Variants in DOCK4 observed in about 807,000 individuals in gnomAD.
DOCK4 encodes dedicator of cytokinesis protein 4.
A neutral mutation model predicts 268.1 loss-of-function variants in DOCK4; 97 were observed. That is an observed-to-expected ratio of 0.36 (90% CI 0.31 to 0.43). DOCK4 has a LOEUF of 0.43. Ranked by LOEUF, DOCK4 falls within the 20% of genes least tolerant of loss-of-function variation. The probability of loss-of-function intolerance (pLI) is 1.00; values close to 1 mark genes in which losing one functional copy is unlikely to be tolerated. For synonymous variants in DOCK4, 954 were observed against 887.2 expected, an observed-to-expected ratio of 1.08 and a Z score of -1.34; for missense variants, 2,145 against 2,455.7, an observed-to-expected ratio of 0.87 and a Z score of 2.67.
chr7:111,819,815 A>G (rs1801841823), intron 27 of DOCK4: 1 of 152,200 alleles, frequency 6.6e-6, no homozygotes, highest in South Asian at 2.1e-4. Context: ...CTGGGTTAAT[A>G]AAAGTGGGAG....
intron 1 of DOCK4, among the ~76,000 whole-genome samples, chr7:112,029,573 CT>C (rs1803100251): frequency 6.6e-6 from 1 of 152,154 alleles, no homozygotes; most frequent in African/African-American, 2.4e-5. Context: ...GTTAGTAACC[CT>C]TGAACCTCCA....
chr7:112,183,661 C>T (rs1819243786), intron 1 of DOCK4, among the ~76,000 whole-genome samples: 1 of 152,268 alleles, frequency 6.6e-6, no homozygotes, highest in African/African-American at 2.4e-5. Flanking sequence ...ACTCATTTAT[C>T]AAAAGCAACA....
At chr7:111,943,825 C>T (rs79475937) in intron 10 of DOCK4, among the ~76,000 whole-genome samples, 14,027 of 152,052 alleles carry the variant, frequency 0.092, 896 homozygotes, top group East Asian at 0.37. Context: ...AAAATCTATG[C>T]GGGAATAAAA....
intron 16 of DOCK4, among the ~76,000 whole-genome samples, chr7:111,890,073 A>T (rs946344684): frequency 7.2e-5 from 11 of 152,166 alleles, no homozygotes; most frequent in East Asian, 1.9e-4. Flanking sequence ...CCTCCATTAC[A>T]GTGAGTCAGA....
chr7:112,029,281 A>G (rs1803070996), intron 1 of DOCK4, among the ~76,000 whole-genome samples: 1 of 152,218 alleles, frequency 6.6e-6, no homozygotes, highest in East Asian at 1.9e-4. Flanking sequence ...AAGAATGCAC[A>G]TCCACTCTTC....
intron 13 of DOCK4, among the ~76,000 whole-genome samples, chr7:111,910,901 C>T (rs1792039060): frequency 1.3e-5 from 2 of 152,210 alleles, no homozygotes; most frequent in Non-Finnish European, 2.9e-5. Context: ...AGCATATGGA[C>T]AGGTACCTCC....
chr7:112,167,531 A>C (rs1817709778), intron 1 of DOCK4, among the ~76,000 whole-genome samples: 1 of 152,228 alleles, frequency 6.6e-6, no homozygotes, highest in African/African-American at 2.4e-5. Context: ...AATTCCGCCT[A>C]TTACTTTAAA....
intron 1 of DOCK4, among the ~76,000 whole-genome samples, chr7:112,140,282 G>A (rs963568855): frequency 1.3e-5 from 2 of 152,140 alleles, no homozygotes; most frequent in Non-Finnish European, 2.9e-5. Flanking sequence ...AGATGTCGGA[G>A]CCCCCAACCC....
rs1471240494 is a variant in DOCK4 at position 112,137,120 on chromosome 7, T to C, written c.37+68982A>G. Among the ~76,000 whole-genome samples the C allele has an allele frequency of 3.3e-5, 5 of 152,232 alleles. No individual in the cohort carries two copies. The East Asian group carries it at 9.6e-4, about 29-fold the overall frequency. ...AAAGGTATTGAGTCATACATATTGCTATAGATAATTGGTACAAATAACTGC... is the reference window on the plus strand; with the variant it reads ...AAAGGTATTGAGTCATACATATTGCCATAGATAATTGGTACAAATAACTGC... On this transcript the variant is annotated intron_variant, in intron 1 of 52. Transcript: ENST00000428084.
intron 1 of DOCK4, among the ~76,000 whole-genome samples, chr7:112,011,955 G>T (rs191960873): frequency 4.6e-4 from 69 of 151,048 alleles, no homozygotes; most frequent in African/African-American, 1.6e-3. Flanking sequence ...ATTAGATGGA[G>T]GCTTGGGATT....
intron 16 of DOCK4, among the ~76,000 whole-genome samples, chr7:111,882,386 A>G (rs1471851921): frequency 2.6e-5 from 4 of 152,218 alleles, no homozygotes; most frequent in Non-Finnish European, 5.9e-5. Context: ...TACTGATTTT[A>G]ATGCTGTAAT....
At chr7:111,947,665 C>T (rs887567888) in intron 8 of DOCK4, among the ~76,000 whole-genome samples, 4 of 152,212 alleles carry the variant, frequency 2.6e-5, no homozygotes, top group African/African-American at 4.8e-5. Context: ...AGGAAAATGA[C>T]TATAAGCTCT....
chr7:111,735,938 C>T (rs992747130), intron 50 of DOCK4, among the ~76,000 whole-genome samples: 5 of 152,128 alleles, frequency 3.3e-5, no homozygotes, highest in African/African-American at 1.2e-4. Context: ...GATGGAGTTA[C>T]CACTCTTAAA....
At chr7:112,059,952 G>T (rs1157847251) in intron 1 of DOCK4, among the ~76,000 whole-genome samples, 3 of 152,126 alleles carry the variant, frequency 2.0e-5, no homozygotes, top group African/African-American at 7.2e-5. Flanking sequence ...TAGTTTATAT[G>T]AAAAAACCTT....
chr7:112,100,914 C>T (rs1810621375), intron 1 of DOCK4, among the ~76,000 whole-genome samples: 1 of 152,170 alleles, frequency 6.6e-6, no homozygotes, highest in Non-Finnish European at 1.5e-5. Context: ...AAGCTCCACC[C>T]TTAAAGAATG....
chr7:111,830,945 C>T (rs185281144), intron 26 of DOCK4, among the ~76,000 whole-genome samples: 3 of 152,220 alleles, frequency 2.0e-5, no homozygotes, highest in Admixed American at 2.0e-4. Flanking sequence ...TCACGCCTCC[C>T]TCCTTAGGCT....
intron 52 of DOCK4, among the ~76,000 whole-genome samples, chr7:111,729,631 A>G (rs1434836623): frequency 2.0e-5 from 3 of 152,026 alleles, no homozygotes; most frequent in Admixed American, 6.5e-5. Flanking sequence ...CTGGCCAAAA[A>G]CCCCAAAAAC....
At chr7:111,861,338 G>A (rs1379799186) in intron 23 of DOCK4, among the ~76,000 whole-genome samples, 1 of 152,038 alleles carries the variant, frequency 6.6e-6, no homozygotes, top group East Asian at 1.9e-4. Context: ...TATCTCAAAA[G>A]TCCTTCAACA....
rs947885412 is a variant in DOCK4, at chr7:111,751,863, T to G, written c.4416+3652A>C. ...AAACTCCTGGGCTCCAGTGATCTTC[T>G]GGCCTCAACTTCTGGAGTAGGAGGT... is the stretch of plus-strand genomic sequence containing the variant. On this transcript the variant is annotated intron_variant, in intron 42 of 52. Transcript: ENST00000428084. 3.3e-5 allele frequency among the ~76,000 whole-genome samples: 5 copies of G among 152,282 alleles called. No individual in the cohort carries two copies. The East Asian group carries it at 7.7e-4, about 24-fold the overall frequency.
Sources: gnomAD v4.1 joint callset for allele counts (sites outside exome capture counted in the v4.1 genomes callset) on GRCh38, gnomAD v4.1.1 for gene constraint, MANE v1.5 for transcripts, NCBI Gene and HGNC (gene_info 2026-07-23, HGNC 2026-07-21) for gene names.